The following KCNJ6 variants were observed in gnomAD, a reference collection of about 807,000 sequenced individuals.
KCNJ6 encodes G protein-activated inward rectifier potassium channel 2.
Under a neutral mutation model 34.2 loss-of-function variants are expected in KCNJ6, and 9 were observed. The ratio of observed to expected loss-of-function variants is 0.26; its 90% CI spans 0.16 to 0.46. The LOEUF is 0.46. KCNJ6 is among the 20% of genes least tolerant of loss of function. The pLI is 1.00. For missense variants in KCNJ6, 236 were observed against 531.3 expected (o/e 0.44, Z 5.46); for synonymous variants, 196 against 207.1 (o/e 0.95, Z 0.46).
chr21:37,846,474 G>A (rs113765228), intron 1 of KCNJ6, among the ~76,000 whole-genome samples: 56 of 150,556 alleles, frequency 3.7e-4, no homozygotes, highest in Non-Finnish European at 6.4e-4. Flanking sequence ...GGGTAGAAAG[G>A]GTTTTTTTCT....
chr21:37,698,279 C>T (rs1350285887), intron 3 of KCNJ6, among the ~76,000 whole-genome samples: 1 of 152,196 alleles, frequency 6.6e-6, no homozygotes, highest in Admixed American at 6.5e-5. Flanking sequence ...ACTGTGGCCA[C>T]TTCTGCCTGT....
chr21:37,781,149 C>A (rs2055167533), intron 2 of KCNJ6, among the ~76,000 whole-genome samples: 1 of 152,192 alleles, frequency 6.6e-6, no homozygotes, highest in Non-Finnish European at 1.5e-5. Flanking sequence ...CACCACCACC[C>A]ATCCGGCATC....
rs2054267742 is a variant in KCNJ6 at position 37,616,590 on chromosome 21, C to CATATATATATATATACATATAT, written c.*8568_*8569insATATATGTATATATATATATAT. ...AATTATGAAGCAGGAACAAAATGTA[C>CATATATATATATATACATATAT]ATATATATATATATATATATATATA... On this transcript the variant is annotated 3_prime_UTR_variant, in exon 4 of 4. Coordinates refer to ENST00000609713, the MANE Select transcript of KCNJ6 (RefSeq NM_002240.5). 1 of 90,916 alleles carries CATATATATATATATACATATAT rather than the reference C, an allele frequency of 1.1e-5. No individual in the cohort carries two copies. Among genetic ancestry groups the CATATATATATATATACATATAT allele is most frequent in the Non-Finnish European group, 2.2e-5 (1 of 45,126 alleles). The allele number at this position is 90,916 out of a possible 1,614,324, so 5.6% of individuals were successfully genotyped here.
chr21:37,854,729 C>G (rs11702168), intron 1 of KCNJ6, among the ~76,000 whole-genome samples: 18,187 of 136,024 alleles, frequency 0.13, 1,126 homozygotes, highest in African/African-American at 0.15. Context: ...TTGTATGTAT[C>G]TATCAAAATA....
chr21:37,763,049 G>A (rs568641262), intron 2 of KCNJ6, among the ~76,000 whole-genome samples: 45 of 152,276 alleles, frequency 3.0e-4, no homozygotes, highest in Admixed American at 2.4e-3. Flanking sequence ...GTGACTGCCC[G>A]GGCTCCCGAG....
At chr21:37,637,850 G>A (rs2054364918) in intron 3 of KCNJ6, among the ~76,000 whole-genome samples, 1 of 152,216 alleles carries the variant, frequency 6.6e-6, no homozygotes. Flanking sequence ...GGCCGTGTGA[G>A]GACACAGCAA....
At chr21:37,893,854 A>T (rs1208218545) in intron 1 of KCNJ6, among the ~76,000 whole-genome samples, 1 of 152,230 alleles carries the variant, frequency 6.6e-6, no homozygotes, top group Non-Finnish European at 1.5e-5. Context: ...GCCATGATTC[A>T]CTTTGGCAGA....
chr21:37,754,498 T>G (rs1445829490), intron 2 of KCNJ6, among the ~76,000 whole-genome samples: 1 of 152,186 alleles, frequency 6.6e-6, no homozygotes, highest in African/African-American at 2.4e-5. Context: ...AAATGTCACT[T>G]GGTTACAGAA....
chr21:37,861,741 G>T (rs2055595854), intron 1 of KCNJ6, among the ~76,000 whole-genome samples: 1 of 152,170 alleles, frequency 6.6e-6, no homozygotes, highest in Non-Finnish European at 1.5e-5. Context: ...GCCAAGCTGA[G>T]AAGGTACTTG....
intron 3 of KCNJ6, among the ~76,000 whole-genome samples, chr21:37,641,899 A>T (rs530759991): frequency 6.6e-5 from 10 of 152,332 alleles, no homozygotes; most frequent in African/African-American, 2.4e-4. Context: ...TTCAAGACAT[A>T]TTTAGGAGGT....
intron 1 of KCNJ6, among the ~76,000 whole-genome samples, chr21:37,881,019 G>A (rs951128494): frequency 2.0e-5 from 3 of 152,214 alleles, no homozygotes; most frequent in Admixed American, 6.5e-5. Flanking sequence ...GAAGGGCAAG[G>A]CAACTCAAGT....
At position 37,658,520 on chromosome 21, in the gene KCNJ6, G is replaced by T. The variant is rs186672885; in HGVS notation, c.947-33036C>A. Among the ~76,000 whole-genome samples the T allele has an allele frequency of 7.2e-5, 11 of 152,356 alleles. No homozygotes were observed. The East Asian group carries it at 2.1e-3, about 29-fold the overall frequency. ...TGTGATAGATTTAGAAAGCCCCGAA[G>T]AAATGGGTGGTGGTGATACAGAGAG... On this transcript the variant is annotated intron_variant, in intron 3 of 3. Coordinates refer to ENST00000609713, the MANE Select transcript of KCNJ6 (RefSeq NM_002240.5).
chr21:37,764,750 T>C (rs905423578), intron 2 of KCNJ6, among the ~76,000 whole-genome samples: 2 of 152,212 alleles, frequency 1.3e-5, no homozygotes, highest in African/African-American at 2.4e-5. Flanking sequence ...ATTTTTAAGG[T>C]TGAATGGGTG....
At chr21:37,804,187 A>T (rs1355524243) in intron 2 of KCNJ6, among the ~76,000 whole-genome samples, 1 of 152,214 alleles carries the variant, frequency 6.6e-6, no homozygotes, top group East Asian at 1.9e-4. Flanking sequence ...ACAGATAATA[A>T]CAAGTGTTGA....
intron 2 of KCNJ6, among the ~76,000 whole-genome samples, chr21:37,772,355 AACAC>A (rs142992347): frequency 2.7e-5 from 4 of 150,652 alleles, no homozygotes; most frequent in Non-Finnish European, 4.4e-5. Flanking sequence ...CATTGATAGA[AACAC>A]ACACACACAC....
At chr21:37,782,382 T>C (rs1473056914) in intron 2 of KCNJ6, among the ~76,000 whole-genome samples, 2 of 152,172 alleles carry the variant, frequency 1.3e-5, no homozygotes, top group Non-Finnish European at 2.9e-5. Context: ...GAAACTAATG[T>C]ACACACATAA....
chr21:37,858,660 G>C (rs1234133469), intron 1 of KCNJ6, among the ~76,000 whole-genome samples: 1 of 152,060 alleles, frequency 6.6e-6, no homozygotes. Context: ...AAGTCTTTGG[G>C]AAAATAAAGT....
rs924796124 is a variant in KCNJ6, at chr21:37,739,344, C to T, written c.26-24213G>A. Among the ~76,000 whole-genome samples, 4 of 152,174 alleles carry T rather than the reference C, an allele frequency of 2.6e-5. No individual in the cohort carries two copies. In the South Asian group the frequency reaches 6.2e-4, roughly 24 times the overall value. On this transcript the variant is annotated intron_variant, in intron 2 of 3. Transcript: ENST00000609713. ...TTACAGAACATCCAGTACTGAGGAA[C>T]GCCAGCTCTTAGCATGTTGGGAATA... is the stretch of plus-strand genomic sequence containing the variant.
chr21:37,613,902 C>T lies in KCNJ6; in HGVS notation c.*11257G>A, dbSNP rs1358826821. 1.3e-5 allele frequency: 2 copies of T among 152,084 alleles called. No homozygotes were observed. The highest frequency in any genetic ancestry group is 2.9e-5 in the Non-Finnish European group (2 of 68,018). 9.4% of individuals were successfully genotyped at this position (152,084 alleles called of 1,614,324 possible). ...ACAACACCATTGTAAACAATGGACT[C>T]TGGGGTGATAGTAATGTCTCAGTGT... On this transcript the variant is annotated 3_prime_UTR_variant, in exon 4 of 4. Coordinates refer to ENST00000609713, the MANE Select transcript of KCNJ6 (RefSeq NM_002240.5).
Sources: gnomAD v4.1 joint callset for allele counts (sites outside exome capture counted in the v4.1 genomes callset) on GRCh38, gnomAD v4.1.1 for gene constraint, MANE v1.5 for transcripts, NCBI Gene and HGNC (gene_info 2026-07-23, HGNC 2026-07-21) for gene names.